CEP63: variants seen among roughly 807,000 people sequenced by gnomAD.
CEP63 encodes the protein centrosomal protein of 63 kDa.
In CEP63, 84 loss-of-function variants were observed where a neutral mutation model predicts 89.1. The ratio of observed to expected loss-of-function variants is 0.94; its 90% confidence interval spans 0.79 to 1.13. The LOEUF is 1.13. Ranked by LOEUF, CEP63 falls within the 50% of genes most tolerant of loss-of-function variation. The pLI is 0.00. For missense variants in CEP63, 838 were observed against 813.3 expected, an observed-to-expected ratio of 1.03 and a Z score of -0.37; for synonymous variants, 267 against 272.5, an observed-to-expected ratio of 0.98 and a Z score of 0.20.
chr3:134,577,355 C>T (rs1958240352), downstream of CEP63, among the ~76,000 whole-genome samples: 1 of 150,330 alleles, frequency 6.7e-6, no homozygotes, highest in Admixed American at 6.6e-5. Context: ...CAAATGTCAA[C>T]ATTTCATCAT....
chr3:134,623,529 G>A, the CEP63 span, among the ~76,000 whole-genome samples: 1 of 151,812 alleles, frequency 6.6e-6, no homozygotes, highest in Non-Finnish European at 1.5e-5. Context: ...TTCCTTTCCT[G>A]GCTGCTCCAT....
the CEP63 span, among the ~76,000 whole-genome samples, chr3:134,733,025 A>G: frequency 6.6e-6 from 1 of 152,182 alleles, no homozygotes; most frequent in Non-Finnish European, 1.5e-5. Flanking sequence ...GGGCCAGAGG[A>G]CATTAGCACA....
At chr3:134,558,472 G>A in intron 13 of CEP63, 125 bp downstream of exon 13, 1 of 734,358 alleles carries the variant, frequency 1.4e-6, no homozygotes, top group Non-Finnish European at 2.3e-6. Flanking sequence ...TAATTCTGAA[G>A]TATAGTGTGC....
At chr3:134,749,562 G>T in the CEP63 span, among the ~76,000 whole-genome samples, 1 of 151,832 alleles carries the variant, frequency 6.6e-6, no homozygotes, top group African/African-American at 2.4e-5. Flanking sequence ...AAATCCAAGT[G>T]GATCTTATCA....
At chr3:134,729,272 G>A in the CEP63 span, among the ~76,000 whole-genome samples, 1 of 152,054 alleles carries the variant, frequency 6.6e-6, no homozygotes, top group African/African-American at 2.4e-5. Context: ...CTTTTATTAA[G>A]TTCTTGTGTA....
chr3:134,722,116 G>A, the CEP63 span, among the ~76,000 whole-genome samples: 2 of 151,976 alleles, frequency 1.3e-5, no homozygotes, highest in Non-Finnish European at 2.9e-5. Context: ...TGTTCTTTTT[G>A]GGAAGTGTTA....
At chr3:134,770,927 A>C in the CEP63 span, among the ~76,000 whole-genome samples, 1 of 152,236 alleles carries the variant, frequency 6.6e-6, no homozygotes, top group Non-Finnish European at 1.5e-5. Flanking sequence ...CTAATTTGGA[A>C]AACAATGATA....
chr3:134,610,620 G>A, the CEP63 span: 1 of 480,932 alleles, frequency 2.1e-6, no homozygotes, highest in Non-Finnish European at 3.7e-6. Flanking sequence ...AGTCTCCGCT[G>A]TCTGCTCCTC....
chr3:134,773,722 T>A, the CEP63 span, among the ~76,000 whole-genome samples: 2 of 151,928 alleles, frequency 1.3e-5, no homozygotes, highest in African/African-American at 4.8e-5. Flanking sequence ...TCTGTTTACA[T>A]CCCCTGATTA....
At chr3:134,651,034 C>T in the CEP63 span, 1,892 of 1,596,430 alleles carry the variant, frequency 1.2e-3, 4 homozygotes, top group Admixed American at 1.8e-3. Flanking sequence ...GCCCCGTGCG[C>T]GCAGCTGCCC....
rs79568322 is a variant in CEP63 at position 134,514,752 on chromosome 3, C to A, written c.222+7466C>A. Among the ~76,000 whole-genome samples, 1,135 of 152,208 alleles carry A rather than the reference C, an allele frequency of 7.5e-3. 23 individuals are homozygous for A. Among genetic ancestry groups the A allele is most frequent in the South Asian group, 0.074 (356 of 4,820 alleles). ...AAAAATTGAGAGAACTGGTTACAAG[C>A]AGACCTGCACTAAGGAAATATTAAA... On this transcript the variant is annotated intron_variant, in intron 3 of 14. Coordinates refer to ENST00000675561, the MANE Select transcript of CEP63 (RefSeq NM_001353108.3).
chr3:134,674,385 A>T, the CEP63 span, among the ~76,000 whole-genome samples: 2 of 152,240 alleles, frequency 1.3e-5, no homozygotes, highest in African/African-American at 2.4e-5. Context: ...GACAAAATCT[A>T]ACATTATTTC....
chr3:134,679,458 C>T, the CEP63 span, among the ~76,000 whole-genome samples: 18 of 152,286 alleles, frequency 1.2e-4, no homozygotes, highest in African/African-American at 3.6e-4. Context: ...TTAGGAGTCT[C>T]GGGAGCAGTC....
chr3:134,756,503 G>A, the CEP63 span, among the ~76,000 whole-genome samples: 3 of 152,132 alleles, frequency 2.0e-5, no homozygotes, highest in Non-Finnish European at 4.4e-5. Context: ...GCAGGTGTGT[G>A]CCACCACACC....
At chr3:134,744,423 A>G in the CEP63 span, among the ~76,000 whole-genome samples, 1 of 152,198 alleles carries the variant, frequency 6.6e-6, no homozygotes, top group Non-Finnish European at 1.5e-5. Flanking sequence ...TAAGAACTTA[A>G]GCTATTCTGC....
At chr3:134,488,975 G>C (rs923900462) in intron 1 of CEP63, among the ~76,000 whole-genome samples, 2 of 152,020 alleles carry the variant, frequency 1.3e-5, no homozygotes, top group African/African-American at 2.4e-5. Context: ...GACCAACATG[G>C]TGAAACCCCG....
the CEP63 span, among the ~76,000 whole-genome samples, chr3:134,611,185 C>T: frequency 0.63 from 95,428 of 152,148 alleles, 30,395 homozygotes; most frequent in East Asian, 0.87. Flanking sequence ...TCAACCTGAG[C>T]TTTGGGGTCC....
intron 1 of CEP63, among the ~76,000 whole-genome samples, chr3:134,490,945 C>T (rs1161087968): frequency 1.3e-5 from 2 of 152,142 alleles, no homozygotes; most frequent in South Asian, 4.1e-4. Flanking sequence ...TCGTAGTACT[C>T]CATTGGTGGA....
Position 134,564,811 on chromosome 3 carries a change from G to A in CEP63, c.*3276G>A, listed in dbSNP as rs1033515094. Reference sequence around the variant, plus strand: ...CGTTTCTGAAACGTTTGTACTACGTGTTGACTAGGAGGAACAATGACAGAC... The same window carrying A: ...CGTTTCTGAAACGTTTGTACTACGTATTGACTAGGAGGAACAATGACAGAC... On this transcript the variant is annotated 3_prime_UTR_variant, in exon 15 of 15. Coordinates refer to ENST00000675561, the MANE Select transcript of CEP63 (RefSeq NM_001353108.3). The A allele has an allele frequency of 8.1e-6, 8 of 985,254 alleles. No homozygotes were observed. In the African/African-American group the frequency reaches 1.4e-4, roughly 17 times the overall value. 61.0% of individuals were successfully genotyped at this position (985,254 alleles called of 1,614,324 possible). A position where few individuals can be genotyped will look rare whatever the true frequency, so the allele number is the denominator to read the frequency against.
Sources: allele counts gnomAD v4.1 joint callset (sites outside exome capture counted in the v4.1 genomes callset), GRCh38; gene constraint gnomAD v4.1.1; transcripts MANE v1.5; gene names NCBI Gene and HGNC (gene_info 2026-07-23, HGNC 2026-07-21).